The following NCKAP5 variants were observed in gnomAD, a reference collection of about 807,000 sequenced individuals.
NCKAP5 encodes the protein NCK associated protein 5.
In NCKAP5, 92 loss-of-function variants were observed where a neutral mutation model predicts 167.0. That is an observed-to-expected ratio of 0.55 (90% CI 0.47 to 0.66). NCKAP5 has a LOEUF of 0.66. Ranked by LOEUF, NCKAP5 falls within the 30% of genes least tolerant of loss-of-function variation. The pLI is 0.00. For missense variants in NCKAP5, 2,378 were observed against 2,315.0 expected (o/e 1.03, Z -0.56); for synonymous variants, 891 against 877.4 (o/e 1.02, Z -0.27).
chr2:133,476,100 C>T (rs1233423177), intron 3 of NCKAP5, among the ~76,000 whole-genome samples: 1 of 152,198 alleles, frequency 6.6e-6, no homozygotes, highest in African/African-American at 2.4e-5. Flanking sequence ...CACAGTTCTG[C>T]ATGTGATTTG....
chr2:133,547,090 C>T (rs1686768219), intron 2 of NCKAP5, among the ~76,000 whole-genome samples: 1 of 152,198 alleles, frequency 6.6e-6, no homozygotes, highest in Non-Finnish European at 1.5e-5. Flanking sequence ...CACGGAGTTC[C>T]CTTTCCAAGG....
rs62179964 is a variant in NCKAP5, at chr2:133,255,500, G to A, written c.144-41721C>T. On this transcript the variant is annotated intron_variant, in intron 4 of 19. Transcript: ENST00000409261. ...TGTTAGTTTCCTTGGGGGGAGGGGT[G>A]TAAGTGACAGCTTTAGGGAATGTGT... 2.3e-3 allele frequency among the ~76,000 whole-genome samples: 342 copies of A among 151,388 alleles called. 3 individuals are homozygous for A. Among genetic ancestry groups the A allele is most frequent in the Non-Finnish European group, 3.5e-3 (241 of 67,898 alleles).
chr2:133,169,646 G>A (rs1178458055), intron 5 of NCKAP5, among the ~76,000 whole-genome samples: 1 of 152,142 alleles, frequency 6.6e-6, no homozygotes, highest in Non-Finnish European at 1.5e-5. Flanking sequence ...ACGTTAAAGT[G>A]GCTCCCACTC....
chr2:133,098,167 A>ATTTCT (rs2081400376), intron 6 of NCKAP5, among the ~76,000 whole-genome samples: 1 of 152,246 alleles, frequency 6.6e-6, no homozygotes, highest in African/African-American at 2.4e-5. Flanking sequence ...ACCAGCATAA[A>ATTTCT]TACCTAAAGT....
chr2:133,228,562 C>A (rs181339874), intron 4 of NCKAP5, among the ~76,000 whole-genome samples: 2 of 152,210 alleles, frequency 1.3e-5, no homozygotes, highest in East Asian at 3.9e-4. Context: ...CTGTGTATTC[C>A]CACTGTCACC....
intron 3 of NCKAP5, among the ~76,000 whole-genome samples, chr2:133,467,137 G>A (rs1305768286): frequency 2.6e-5 from 4 of 151,734 alleles, no homozygotes; most frequent in Admixed American, 2.0e-4. Context: ...TATGATACTG[G>A]CTGTGGGTTT....
At chr2:132,865,663 C>T (rs1690286699) in intron 10 of NCKAP5, among the ~76,000 whole-genome samples, 2 of 152,142 alleles carry the variant, frequency 1.3e-5, no homozygotes, top group African/African-American at 4.8e-5. Context: ...CATGGTATCT[C>T]TCTCTGTCCT....
chr2:132,755,540 A>C (rs1421530166), intron 16 of NCKAP5, among the ~76,000 whole-genome samples: 1 of 152,058 alleles, frequency 6.6e-6, no homozygotes, highest in Non-Finnish European at 1.5e-5. Flanking sequence ...CTTTTTAATA[A>C]TAACTATAGG....
intron 6 of NCKAP5, among the ~76,000 whole-genome samples, chr2:133,017,032 A>G (rs1304569025): frequency 6.6e-6 from 1 of 152,224 alleles, no homozygotes; most frequent in Non-Finnish European, 1.5e-5. Flanking sequence ...AATGTGTTCA[A>G]TATTTATATC....
chr2:132,745,428 G>A (rs1679556380), intron 16 of NCKAP5, among the ~76,000 whole-genome samples: 1 of 150,856 alleles, frequency 6.6e-6, no homozygotes, highest in South Asian at 2.1e-4. Context: ...ACTAGGAATA[G>A]AAGAGAACTT....
intron 6 of NCKAP5, among the ~76,000 whole-genome samples, chr2:133,115,191 A>G (rs2082031238): frequency 6.6e-6 from 1 of 152,200 alleles, no homozygotes; most frequent in Non-Finnish European, 1.5e-5. Flanking sequence ...GACATGCTTT[A>G]ATACACTGCA....
chr2:132,939,382 A>G (rs1478217630), intron 8 of NCKAP5, among the ~76,000 whole-genome samples: 1 of 152,124 alleles, frequency 6.6e-6, no homozygotes, highest in Non-Finnish European at 1.5e-5. Flanking sequence ...ACCACCACTC[A>G]TGGAGGGGCT....
At chr2:132,998,307 G>T (rs897765829) in intron 6 of NCKAP5, among the ~76,000 whole-genome samples, 1 of 151,996 alleles carries the variant, frequency 6.6e-6, no homozygotes, top group Non-Finnish European at 1.5e-5. Context: ...CATTTTTCTT[G>T]GCTTTATACT....
chr2:132,817,069 CT>C (rs1186282441), intron 11 of NCKAP5, among the ~76,000 whole-genome samples: 3 of 152,176 alleles, frequency 2.0e-5, no homozygotes, highest in South Asian at 4.1e-4. Flanking sequence ...CCTTAAACAA[CT>C]TCTTTCTTAC....
intron 3 of NCKAP5, among the ~76,000 whole-genome samples, chr2:133,454,265 C>T (rs1200950332): frequency 6.6e-6 from 1 of 151,868 alleles, no homozygotes; most frequent in East Asian, 1.9e-4. Context: ...ATCTATAAAG[C>T]ACTGGTGACT....
At chr2:133,241,385 T>C (rs1198238185) in intron 4 of NCKAP5, among the ~76,000 whole-genome samples, 1 of 152,240 alleles carries the variant, frequency 6.6e-6, no homozygotes, top group Non-Finnish European at 1.5e-5. Flanking sequence ...AAATCACTAA[T>C]GACTTCCAGC....
rs563634278 is a variant in NCKAP5 at position 133,220,043 on chromosome 2, A to T, written c.144-6264T>A. Among the ~76,000 whole-genome samples the T allele has an allele frequency of 2.0e-5, 3 of 152,332 alleles. No individual in the cohort carries two copies. In the South Asian group the frequency reaches 6.2e-4, roughly 32 times the overall value. Reference sequence around the variant, plus strand: ...TTTCATGCAAATTCACAGTTCATATAAACAGCTTTGTGTAGAAAATAAAGA... The same window carrying T: ...TTTCATGCAAATTCACAGTTCATATTAACAGCTTTGTGTAGAAAATAAAGA... On this transcript the variant is annotated intron_variant, in intron 4 of 19. Coordinates refer to ENST00000409261, the MANE Select transcript of NCKAP5 (RefSeq NM_207363.3).
At chr2:133,374,672 G>T (rs1686024595) in intron 3 of NCKAP5, among the ~76,000 whole-genome samples, 1 of 151,970 alleles carries the variant, frequency 6.6e-6, no homozygotes, top group African/African-American at 2.4e-5. Context: ...AGGGCAGGGG[G>T]CATGTGGGAC....
chr2:133,217,949 T>C (rs1163581705), intron 4 of NCKAP5, among the ~76,000 whole-genome samples: 2 of 152,030 alleles, frequency 1.3e-5, no homozygotes, highest in African/African-American at 4.8e-5. Context: ...CAGATAAATA[T>C]GTGAGTAAGC....
Sources: allele counts gnomAD v4.1 joint callset (sites outside exome capture counted in the v4.1 genomes callset), GRCh38; gene constraint gnomAD v4.1.1; transcripts MANE v1.5; gene names NCBI Gene and HGNC (gene_info 2026-07-23, HGNC 2026-07-21).